CDH13: variants seen among roughly 807,000 people sequenced by gnomAD.
CDH13 encodes cadherin-13.
CDH13 carries 24 observed loss-of-function variants against 63.8 expected under a neutral mutation model. The ratio of observed to expected loss-of-function variants is 0.38; its 90% CI spans 0.27 to 0.53. The LOEUF (loss-of-function observed/expected upper bound fraction) is 0.53, where lower values mean the gene tolerates loss of function less well. Ranked by LOEUF, CDH13 falls within the 20% of genes least tolerant of loss-of-function variation. CDH13 has a pLI of 0.85. For missense variants in CDH13, 1,049 were observed against 903.1 expected, an observed-to-expected ratio of 1.16 and a Z score of -2.07; for synonymous variants, 503 against 355.3, an observed-to-expected ratio of 1.42 and a Z score of -4.67.
chr16:83,362,583 C>A (rs1192246052), intron 6 of CDH13, among the ~76,000 whole-genome samples: 2 of 152,184 alleles, frequency 1.3e-5, no homozygotes, highest in Admixed American at 6.5e-5. Flanking sequence ...TTGGGTATTA[C>A]TGTCTCCATG....
At chr16:83,431,778 C>T (rs1163104935) in intron 6 of CDH13, among the ~76,000 whole-genome samples, 1 of 152,074 alleles carries the variant, frequency 6.6e-6, no homozygotes, top group Non-Finnish European at 1.5e-5. Context: ...GGCACTAAAC[C>T]ATTCGCAAGA....
chr16:83,463,385 C>T (rs1419890305), intron 6 of CDH13, among the ~76,000 whole-genome samples: 1 of 152,174 alleles, frequency 6.6e-6, no homozygotes, highest in Admixed American at 6.5e-5. Context: ...GGCTCGGCTC[C>T]ATGTCACCCT....
chr16:83,226,382 C>G (rs2039839639), intron 5 of CDH13, among the ~76,000 whole-genome samples: 1 of 152,172 alleles, frequency 6.6e-6, no homozygotes, highest in South Asian at 2.1e-4. Flanking sequence ...ATATTTTTCT[C>G]TGAACTTCAT....
intron 4 of CDH13, among the ~76,000 whole-genome samples, chr16:83,208,686 TG>T (rs1241423959): frequency 6.6e-6 from 1 of 152,218 alleles, no homozygotes; most frequent in Non-Finnish European, 1.5e-5. Flanking sequence ...ACATGTGATT[TG>T]TTCGCTTTGG....
At chr16:83,250,811 G>A (rs1010394733) in intron 5 of CDH13, among the ~76,000 whole-genome samples, 5 of 152,190 alleles carry the variant, frequency 3.3e-5, no homozygotes, top group African/African-American at 1.2e-4. Flanking sequence ...TTTCCCATCT[G>A]TGCTTAGGAG....
rs540795002 is a variant in CDH13, at chr16:82,752,967, G to A, written c.46-105395G>A. Among the ~76,000 whole-genome samples the A allele has an allele frequency of 7.9e-5, 12 of 152,318 alleles. 1 individual carries two copies. In the East Asian group the frequency reaches 2.1e-3, roughly 27 times the overall value. Reference sequence around the variant, plus strand: ...GCATAGATAACAGTCAAATACATTTGTAAAAGAGTTAAGAAGTGATGCATT... The same window carrying A: ...GCATAGATAACAGTCAAATACATTTATAAAAGAGTTAAGAAGTGATGCATT... On this transcript the variant is annotated intron_variant, in intron 1 of 13. Coordinates refer to ENST00000567109, the MANE Select transcript of CDH13 (RefSeq NM_001257.5).
chr16:83,686,400 C>T (rs543709857), intron 10 of CDH13, among the ~76,000 whole-genome samples: 1 of 152,212 alleles, frequency 6.6e-6, no homozygotes, highest in East Asian at 1.9e-4. Flanking sequence ...GACCTTCAGA[C>T]TTTCCACGGG....
At chr16:83,031,987 C>T (rs986575826) in intron 2 of CDH13, 23 bp from the exon 3 acceptor site, 8 of 1,553,464 alleles carry the variant, frequency 5.1e-6, no homozygotes, top group African/African-American at 1.4e-5. Flanking sequence ...CATGCTCCTT[C>T]TGTTGTTTCG....
At chr16:82,643,571 C>T (rs1473925436) in intron 1 of CDH13, among the ~76,000 whole-genome samples, 4 of 152,200 alleles carry the variant, frequency 2.6e-5, no homozygotes, top group Non-Finnish European at 4.4e-5. Context: ...AACTGCAGGT[C>T]ACCTTGGCCT....
chr16:83,467,489 G>C (rs564449890), intron 6 of CDH13, among the ~76,000 whole-genome samples: 1 of 152,186 alleles, frequency 6.6e-6, no homozygotes, highest in African/African-American at 2.4e-5. Context: ...GCGCCTTACA[G>C]CTCTTTGTGA....
At chr16:83,353,034 A>C (rs1188382731) in intron 6 of CDH13, among the ~76,000 whole-genome samples, 1 of 152,222 alleles carries the variant, frequency 6.6e-6, no homozygotes, top group Non-Finnish European at 1.5e-5. Flanking sequence ...ACACATGGAC[A>C]TAGAGTGTGG....
rs150583065 is a variant in CDH13 at position 83,713,901 on chromosome 16, G to A, written c.1539-34207G>A. On this transcript the variant is annotated intron_variant, in intron 10 of 13. Transcript: ENST00000567109. ...CAACATTACTCTCAAAGAGGCTTTGGTCAGGTTTCAAAAGGCCAGCAGTAG... is the reference window on the plus strand; with the variant it reads ...CAACATTACTCTCAAAGAGGCTTTGATCAGGTTTCAAAAGGCCAGCAGTAG... Among the ~76,000 whole-genome samples the A allele has an allele frequency of 2.7e-3, 404 of 152,262 alleles. 2 individuals are homozygous for A. Among genetic ancestry groups the A allele is most frequent in the African/African-American group, 9.3e-3 (388 of 41,542 alleles).
intron 2 of CDH13, among the ~76,000 whole-genome samples, chr16:82,982,434 TA>T (rs1222115541): frequency 6.6e-6 from 1 of 152,206 alleles, no homozygotes; most frequent in African/African-American, 2.4e-5. Context: ...TCCGAAGTCC[TA>T]AAAAATCTAA....
intron 1 of CDH13, among the ~76,000 whole-genome samples, chr16:82,776,941 C>T (rs1250881412): frequency 2.0e-5 from 3 of 152,196 alleles, no homozygotes; most frequent in Non-Finnish European, 4.4e-5. Context: ...GTGCCAGATA[C>T]TATGCTTTTC....
intron 7 of CDH13, among the ~76,000 whole-genome samples, chr16:83,513,731 C>A (rs921925571): frequency 6.6e-6 from 1 of 152,138 alleles, no homozygotes; most frequent in Non-Finnish European, 1.5e-5. Context: ...CACCAGGCCC[C>A]TCCAACAACA....
intron 5 of CDH13, among the ~76,000 whole-genome samples, chr16:83,239,933 C>G (rs892597799): frequency 5.9e-5 from 9 of 152,068 alleles, no homozygotes; most frequent in African/African-American, 2.2e-4. Context: ...GATGGCCTTT[C>G]TGAAAGGGAG....
chr16:83,773,633 C>A (rs1236912459), intron 11 of CDH13, among the ~76,000 whole-genome samples: 2 of 152,280 alleles, frequency 1.3e-5, no homozygotes, highest in Admixed American at 6.5e-5. Context: ...GGTGGAGACA[C>A]AAAGCCAAAC....
At chr16:83,517,375 T>C (rs753465575) in intron 7 of CDH13, among the ~76,000 whole-genome samples, 14 of 152,224 alleles carry the variant, frequency 9.2e-5, no homozygotes, top group Non-Finnish European at 1.5e-4. Context: ...TCTTTCTTGC[T>C]CAAGCTGTGA....
At chr16:82,751,311 A>AT (rs964602198) in intron 1 of CDH13, among the ~76,000 whole-genome samples, 116 of 151,790 alleles carry the variant, frequency 7.6e-4, no homozygotes, top group African/African-American at 2.4e-3. Flanking sequence ...TTCTTAATAG[A>AT]TTTTTTTTTG....
Sources: allele counts gnomAD v4.1 joint callset (sites outside exome capture counted in the v4.1 genomes callset), GRCh38; gene constraint gnomAD v4.1.1; transcripts MANE v1.5; gene names NCBI Gene and HGNC (gene_info 2026-07-23, HGNC 2026-07-21).